RIMS2: variants seen among roughly 807,000 people sequenced by gnomAD.
RIMS2 encodes regulating synaptic membrane exocytosis 2.
Under a neutral mutation model 174.4 loss-of-function variants are expected in RIMS2, and 59 were observed. The ratio of observed to expected loss-of-function variants is 0.34; its 90% CI spans 0.27 to 0.42. The LOEUF is 0.42. Among genes scored for constraint, RIMS2 ranks in the 10% least tolerant of loss-of-function variants. The pLI, the probability that RIMS2 is intolerant of heterozygous loss-of-function variation, is 1.00. For missense variants in RIMS2, 1,620 were observed against 1,666.3 expected, an observed-to-expected ratio of 0.97 and a Z score of 0.48; for synonymous variants, 606 against 572.5, an observed-to-expected ratio of 1.06 and a Z score of -0.84.
At chr8:103,560,902 A>G (rs1270354881) in intron 1 of RIMS2, among the ~76,000 whole-genome samples, 3 of 152,214 alleles carry the variant, frequency 2.0e-5, no homozygotes, top group South Asian at 4.1e-4. Context: ...GCTTGTAAAC[A>G]GACAACAACA....
chr8:104,245,947 A>T (rs899223008), intron 20 of RIMS2, among the ~76,000 whole-genome samples: 1 of 152,236 alleles, frequency 6.6e-6, no homozygotes, highest in Non-Finnish European at 1.5e-5. Flanking sequence ...ATTTGTATTA[A>T]CTAAATATTT....
chr8:103,547,809 A>C (rs10092794), intron 1 of RIMS2, among the ~76,000 whole-genome samples: 27,693 of 152,098 alleles, frequency 0.18, 2,766 homozygotes, highest in African/African-American at 0.26. Flanking sequence ...TAAACACAAT[A>C]TGAAATAACA....
At chr8:103,746,517 A>AG (rs1372203109) in intron 2 of RIMS2, among the ~76,000 whole-genome samples, 1 of 152,058 alleles carries the variant, frequency 6.6e-6, no homozygotes, top group African/African-American at 2.4e-5. Context: ...AATTTGTGTC[A>AG]GGGGGGTTCA....
rs540674505 is a variant in RIMS2, at chr8:104,221,302, G to A, written c.3335-23614G>A. Among the ~76,000 whole-genome samples the A allele has an allele frequency of 4.6e-5, 7 of 152,190 alleles. No homozygotes were observed. In the East Asian group the frequency reaches 1.4e-3, roughly 29 times the overall value. ...TTCATAAAACAATAGTGCAATTGAT[G>A]CACTAACCATGTGGGCTGAACTCTG... On this transcript the variant is annotated intron_variant, in intron 19 of 23. Coordinates refer to ENST00000504942, the Ensembl canonical transcript of RIMS2.
intron 14 of RIMS2, among the ~76,000 whole-genome samples, chr8:103,960,601 T>C (rs2089685556): frequency 6.6e-6 from 1 of 152,182 alleles, no homozygotes. Context: ...GAACTGACTA[T>C]ATTCAATGTA....
chr8:104,095,592 G>A (rs575689276), intron 19 of RIMS2, among the ~76,000 whole-genome samples: 5 of 152,178 alleles, frequency 3.3e-5, no homozygotes, highest in African/African-American at 7.2e-5. Flanking sequence ...AAATTAGCAC[G>A]AATGTGCAGT....
At chr8:103,686,342 G>T (rs545894172) in intron 1 of RIMS2, among the ~76,000 whole-genome samples, 60 of 152,070 alleles carry the variant, frequency 3.9e-4, no homozygotes, top group African/African-American at 1.4e-3. Context: ...TTGCCTTAAT[G>T]TGGTGGCTAG....
rs545277221 is a variant in RIMS2 at position 103,598,312 on chromosome 8, A to G, written c.176+97250A>G. Reference sequence around the variant, plus strand: ...GGATTCCAAAGCAATTCCTGATCATACGGACATTTGAAGCTCTGTTGCAGC... The same window carrying G: ...GGATTCCAAAGCAATTCCTGATCATGCGGACATTTGAAGCTCTGTTGCAGC... On this transcript the variant is annotated intron_variant, in intron 1 of 23. Coordinates refer to ENST00000504942, the Ensembl canonical transcript of RIMS2. Among the ~76,000 whole-genome samples, 17 of 152,286 alleles carry G rather than the reference A, an allele frequency of 1.1e-4. 1 individual carries two copies. The South Asian group carries it at 3.5e-3, about 32-fold the overall frequency.
At chr8:103,999,726 T>C (rs1407868952) in intron 17 of RIMS2, among the ~76,000 whole-genome samples, 1 of 151,746 alleles carries the variant, frequency 6.6e-6, no homozygotes, top group East Asian at 1.9e-4. Flanking sequence ...ATTTTCTTAG[T>C]CTCAGTTATC....
intron 1 of RIMS2, among the ~76,000 whole-genome samples, chr8:103,628,923 C>T (rs2095849912): frequency 6.6e-6 from 1 of 152,098 alleles, no homozygotes; most frequent in South Asian, 2.1e-4. Flanking sequence ...CTGCAGCTAC[C>T]CAGATTGTGA....
In RIMS2 at chr8:103,537,846, T is replaced by C. The variant is rs188379851; in HGVS notation, c.176+36784T>C. 2.8e-3 allele frequency among the ~76,000 whole-genome samples: 419 copies of C among 149,692 alleles called. 4 individuals are homozygous for C. The highest frequency in any genetic ancestry group is 9.7e-3 in the African/African-American group (396 of 40,960). ...GGAAAGGTTAGTTTTCTATGGCATA[T>C]TTTTTTTTTCTGCCAAATGAGAATG... On this transcript the variant is annotated intron_variant, in intron 1 of 23. Coordinates refer to ENST00000504942, the Ensembl canonical transcript of RIMS2.
At chr8:104,071,457 CAG>C (rs1454607498) in intron 19 of RIMS2, among the ~76,000 whole-genome samples, 4 of 152,072 alleles carry the variant, frequency 2.6e-5, no homozygotes, top group East Asian at 1.9e-4. Flanking sequence ...GTTTTTGAGA[CAG>C]AGTCTTGCTC....
intron 1 of RIMS2, among the ~76,000 whole-genome samples, chr8:103,683,971 T>C (rs1459255859): frequency 6.6e-6 from 1 of 152,154 alleles, no homozygotes; most frequent in Non-Finnish European, 1.5e-5. Context: ...GGAAGTATAC[T>C]TTTGTGACAA....
intron 3 of RIMS2, chr8:103,768,297 C>T: frequency 1.6e-6 from 1 of 622,036 alleles, no homozygotes; most frequent in East Asian, 3.0e-5. Flanking sequence ...CTGGACATCT[C>T]TTTCCCAGCC....
intron 3 of RIMS2, among the ~76,000 whole-genome samples, chr8:103,772,382 C>CT (rs2098263710): frequency 6.6e-6 from 1 of 151,836 alleles, no homozygotes. Flanking sequence ...TTTAAAAAAA[C>CT]TTTAAGACCA....
At chr8:103,646,859 T>G (rs2096345103) in intron 1 of RIMS2, among the ~76,000 whole-genome samples, 1 of 152,206 alleles carries the variant, frequency 6.6e-6, no homozygotes, top group Admixed American at 6.5e-5. Flanking sequence ...GGCCAGAACT[T>G]CCAATACTAT....
chr8:104,037,377 A>G (rs1196185788), intron 19 of RIMS2, among the ~76,000 whole-genome samples: 1 of 152,182 alleles, frequency 6.6e-6, no homozygotes, highest in Non-Finnish European at 1.5e-5. Flanking sequence ...TCATTGTGTC[A>G]GGAACGTTTT....
Position 103,915,647 on chromosome 8 carries a change from A to T in RIMS2, c.1912+53A>T, listed in dbSNP as rs1057450113. 4 of 846,130 alleles carry T rather than the reference A, an allele frequency of 4.7e-6. No homozygotes were observed. In the African/African-American group the frequency reaches 6.9e-5, roughly 15 times the overall value. The allele number at this position is 846,130 out of a possible 1,614,324, so 52.4% of individuals were successfully genotyped here. A position where few individuals can be genotyped will look rare whatever the true frequency, so the allele number is the denominator to read the frequency against. ...TTTAAACCATTCAACTTTAGTAGTTATGAGTTATTTTCATTTATTTAGAAG... is the reference window on the plus strand; with the variant it reads ...TTTAAACCATTCAACTTTAGTAGTTTTGAGTTATTTTCATTTATTTAGAAG... On this transcript the variant is annotated intron_variant, in intron 7 of 23. Transcript: ENST00000504942.
intron 2 of RIMS2, among the ~76,000 whole-genome samples, chr8:103,702,781 A>C (rs531524021): frequency 6.7e-6 from 1 of 149,020 alleles, no homozygotes; most frequent in Admixed American, 6.7e-5. Flanking sequence ...TTTTTATGCT[A>C]GTACTATGCT....
Sources: allele counts gnomAD v4.1 joint callset (sites outside exome capture counted in the v4.1 genomes callset), GRCh38; gene constraint gnomAD v4.1.1; transcripts MANE v1.5; gene names NCBI Gene and HGNC (gene_info 2026-07-23, HGNC 2026-07-21).